PGM3: variants seen among roughly 807,000 people sequenced by gnomAD.
The protein encoded by PGM3 is phosphoglucomutase 3, also known as phosphoacetylglucosamine mutase.
PGM3 carries 40 observed loss-of-function variants against 66.2 expected under a neutral mutation model. The ratio of observed to expected loss-of-function variants is 0.60; its 90% CI spans 0.47 to 0.79. PGM3 has a LOEUF of 0.79. Among genes scored for constraint, PGM3 ranks in the 30% least tolerant of loss-of-function variants. PGM3 has a pLI of 0.00. For missense variants in PGM3, 537 were observed against 643.4 expected (o/e 0.83, Z 1.79); for synonymous variants, 191 against 224.2 (o/e 0.85, Z 1.32).
At position 83,181,950 on chromosome 6, in the gene PGM3, C is replaced by T. The variant is rs373321504; in HGVS notation, c.592-19G>A. The T allele has an allele frequency of 1.5e-5, 23 of 1,525,274 alleles. 1 individual carries two copies. In the African/African-American group the frequency reaches 1.8e-4, roughly 12 times the overall value. 94.5% of individuals were successfully genotyped at this position (1,525,274 alleles called of 1,614,324 possible). ...AAGAAGCCTACAAAGGAAAAAGACA[C>T]ATGGAAGAAAAATTTCAAGTTATAA... On this transcript the variant is annotated intron_variant, in intron 5 of 12. Coordinates refer to ENST00000513973, the MANE Select transcript of PGM3 (RefSeq NM_015599.3).
At chr6:83,180,107 T>C in intron 6 of PGM3, 140 bp from the exon 7 acceptor site, 1 of 552,372 alleles carries the variant, frequency 1.8e-6, no homozygotes. Flanking sequence ...AGTACATAGT[T>C]TATTAGTGGT....
chr6:83,165,780 G>A lies in PGM3; in HGVS notation c.*3454C>T, dbSNP rs1460388134. The A allele has an allele frequency of 4.2e-5, 11 of 258,998 alleles. No homozygotes were observed. Among genetic ancestry groups the A allele is most frequent in the South Asian group, 3.5e-4 (8 of 22,662 alleles). The allele number at this position is 258,998 out of a possible 1,614,324, so 16.0% of individuals were successfully genotyped here. A position where few individuals can be genotyped will look rare whatever the true frequency, so the allele number is the denominator to read the frequency against. ...TCGAAGCGTTGGTTGTGCAACGTGC[G>A]GCCCAGTGTTGTCGTGAAAAGAATT... On this transcript the variant is annotated 3_prime_UTR_variant, in exon 13 of 13. Coordinates refer to ENST00000513973, the MANE Select transcript of PGM3 (RefSeq NM_015599.3).
downstream of PGM3, chr6:83,162,925 G>T: frequency 6.2e-7 from 1 of 1,607,594 alleles, no homozygotes; most frequent in Non-Finnish European, 8.5e-7. Flanking sequence ...CAAAGGTATC[G>T]CATTCTTTTG....
intron 8 of PGM3, 104 bp from the exon 9 acceptor site, chr6:83,176,164 C>T (rs549153338): frequency 4.4e-6 from 3 of 685,154 alleles, no homozygotes; most frequent in Admixed American, 4.2e-5. Flanking sequence ...ATACTGGGGC[C>T]GAGTCCAGTG....
downstream of PGM3, chr6:83,158,513 TGAAAG>T: frequency 7.6e-7 from 1 of 1,319,230 alleles, no homozygotes; most frequent in Non-Finnish European, 1.1e-6. Flanking sequence ...AAAGATAACT[TGAAAG>T]GATTAAATAT....
At chr6:83,159,685 C>A, downstream of PGM3, 1 of 1,206,910 alleles carries the variant, frequency 8.3e-7, no homozygotes, top group Non-Finnish European at 1.2e-6. Flanking sequence ...ATTACTGGCA[C>A]ATTTATCTCA....
the PGM3 span, chr6:83,152,148 C>CT: frequency 8.5e-7 from 1 of 1,172,030 alleles, no homozygotes; most frequent in Non-Finnish European, 1.2e-6. Context: ...TAACAAGTAA[C>CT]TTTTTTTCAG....
downstream of PGM3, chr6:83,164,511 T>A (rs1583210263): frequency 1.4e-6 from 1 of 729,762 alleles, no homozygotes. Context: ...AATATGACAG[T>A]CTTTTGCCCA....
chr6:83,192,435 A>C (rs532204802), intron 1 of PGM3, among the ~76,000 whole-genome samples: 1 of 152,316 alleles, frequency 6.6e-6, no homozygotes, highest in African/African-American at 2.4e-5. Flanking sequence ...AGAGATGAGG[A>C]GCAGTCCGCC....
In PGM3 at chr6:83,181,897, T is replaced by C; in HGVS notation, c.626A>G (p.Lys209Arg). Residue 209 changes from lysine (K) to arginine (R), a missense_variant, in exon 6 of 13, where the codon AAG becomes AGG. Coordinates refer to ENST00000513973, the MANE Select transcript of PGM3 (RefSeq NM_015599.3). ...SCSGDEYRSL[K>R]VDCANGIGAL... The stretch of plus-strand genomic sequence containing the variant: ...CCCTATGCCATTTGCACAGTCAACC[T>C]TAAGTGATCTGTATTCATCTCCACT... 2 of 1,613,012 alleles carry C rather than the reference T, an allele frequency of 1.2e-6. No individual in the cohort carries two copies. Among genetic ancestry groups the C allele is most frequent in the Non-Finnish European group, 1.7e-6 (2 of 1,179,666 alleles).
chr6:83,171,124 G>A (rs1445535775), intron 11 of PGM3: 2 of 152,212 alleles, frequency 1.3e-5, no homozygotes, highest in African/African-American at 4.8e-5. Context: ...AGGATCACCT[G>A]AGCTCAGGAG....
intron 6 of PGM3, among the ~76,000 whole-genome samples, chr6:83,180,621 T>C (rs1225634710): frequency 2.0e-5 from 3 of 152,172 alleles, no homozygotes; most frequent in East Asian, 1.9e-4. Flanking sequence ...TGAAAGGACA[T>C]GATGCAAGCT....
At chr6:83,157,081 T>C, downstream of PGM3, 1 of 1,168,106 alleles carries the variant, frequency 8.6e-7, no homozygotes, top group African/African-American at 1.6e-5. Context: ...TTAAAGTTTA[T>C]CCTTTACTAC....
chr6:83,151,836 G>C, the PGM3 span: 4 of 1,557,736 alleles, frequency 2.6e-6, no homozygotes, highest in African/African-American at 4.1e-5. Flanking sequence ...TTCATAACTA[G>C]TGTGCATGTG....
At chr6:83,179,994 A>G (rs769831765) in intron 6 of PGM3, 27 bp from the exon 7 acceptor site, 1 of 1,541,858 alleles carries the variant, frequency 6.5e-7, no homozygotes, top group South Asian at 1.2e-5. Flanking sequence ...TTTAACATGC[A>G]TTTCAGTCTA....
Position 83,168,946 on chromosome 6 carries a change from A to AT in PGM3, c.*287dup, listed in dbSNP as rs1786467445. The stretch of plus-strand genomic sequence containing the variant: ...TTTAATTTTCCAGTAGCCTGCATGA[A>AT]TTGTTCCCCACATAAAACTGTACAG... On this transcript the variant is annotated 3_prime_UTR_variant, in exon 13 of 13. Coordinates refer to ENST00000513973, the MANE Select transcript of PGM3 (RefSeq NM_015599.3). The AT allele has an allele frequency of 1.8e-5, 21 of 1,139,752 alleles. No individual in the cohort carries two copies. The South Asian group carries it at 5.9e-4, about 32-fold the overall frequency. 70.6% of individuals were successfully genotyped at this position (1,139,752 alleles called of 1,614,324 possible). A position where few individuals can be genotyped will look rare whatever the true frequency, so the allele number is the denominator to read the frequency against.
Position 83,168,060 on chromosome 6 carries a change from A to T in PGM3, c.*1174T>A, listed in dbSNP as rs756000007. The T allele has an allele frequency of 1.2e-6, 2 of 1,614,202 alleles. No homozygotes were observed. Among genetic ancestry groups the T allele is most frequent in the South Asian group, 2.2e-5 (2 of 91,088 alleles). ...TATCCTCTACTCAAATGCCTTCCCT[A>T]ATAAGGACATGAAACTGGAGAACCA... On this transcript the variant is annotated 3_prime_UTR_variant, in exon 13 of 13. Transcript: ENST00000513973.
chr6:83,151,529 T>C, the PGM3 span: 3 of 1,330,242 alleles, frequency 2.3e-6, no homozygotes, highest in Non-Finnish European at 3.1e-6. Context: ...CGTGAGAAAT[T>C]AGATCGCATT....
downstream of PGM3, chr6:83,160,060 A>G: frequency 9.0e-7 from 1 of 1,115,836 alleles, no homozygotes. Context: ...TGTAAGTTGA[A>G]ATATTCCTAA....
Sources: gnomAD v4.1 joint callset for allele counts (sites outside exome capture counted in the v4.1 genomes callset) on GRCh38, gnomAD v4.1.1 for gene constraint, MANE v1.5 for transcripts, NCBI Gene and HGNC (gene_info 2026-07-23, HGNC 2026-07-21) for gene names.